Variants in RGS12 observed in about 807,000 individuals in gnomAD.
RGS12 encodes the protein regulator of G protein signaling 12.
In RGS12, 66 loss-of-function variants were observed where a neutral mutation model predicts 120.1. That is an observed-to-expected ratio of 0.55 (90% CI 0.45 to 0.67). RGS12 has a LOEUF of 0.67. Ranked by LOEUF, RGS12 falls within the 30% of genes least tolerant of loss-of-function variation. RGS12 has a pLI of 0.00. For synonymous variants in RGS12, 827 were observed against 804.7 expected, an observed-to-expected ratio of 1.03 and a Z score of -0.47; for missense variants, 1,859 against 1,957.7, an observed-to-expected ratio of 0.95 and a Z score of 0.95.
At chr4:3,394,879 A>G (rs532828038) in intron 4 of RGS12, among the ~76,000 whole-genome samples, 2 of 152,258 alleles carry the variant, frequency 1.3e-5, no homozygotes, top group South Asian at 2.1e-4. Context: ...TAAAAAAAAA[A>G]GAAGACTGAC....
In RGS12 at chr4:3,423,602, C is replaced by T; in HGVS notation, c.3195C>T (p.Ala1065=). The T allele has an allele frequency of 6.2e-7, 1 of 1,611,804 alleles. No individual in the cohort carries two copies. The highest frequency in any genetic ancestry group is 1.7e-5 in the Admixed American group (1 of 60,024). The change falls in exon 13 of 18, where the codon GCC becomes GCT. Residue 1065 remains alanine, a synonymous_variant. Transcript: ENST00000336727. ...PVTEVLRPVV[A]RYGLDLSGLL... ...CGGAGGTGCTGCGGCCCGTGGTGGC[C>T]AGATACGGCCTGGACCTCAGTGGCC...
At chr4:3,418,640 G>T (rs1253211101) in intron 9 of RGS12, 1 of 152,384 alleles carries the variant, frequency 6.6e-6, no homozygotes, top group Non-Finnish European at 1.5e-5. Context: ...GGCGCTGAAG[G>T]ACGCGCTGGT....
chr4:3,415,219 G>A (rs1041243247), intron 6 of RGS12, among the ~76,000 whole-genome samples: 27 of 152,180 alleles, frequency 1.8e-4, no homozygotes, highest in Admixed American at 1.2e-3. Context: ...TGAGAGGGCC[G>A]CGTGGCCTCA....
At chr4:3,331,021 G>A (rs1329599466) in intron 2 of RGS12, among the ~76,000 whole-genome samples, 1 of 152,230 alleles carries the variant, frequency 6.6e-6, no homozygotes, top group Admixed American at 6.5e-5. Context: ...GTCTAGCTAA[G>A]ATTTCTATTC....
At chr4:3,293,314 G>A (rs1723154262) in intron 1 of RGS12, among the ~76,000 whole-genome samples, 1 of 144,466 alleles carries the variant, frequency 6.9e-6, no homozygotes, top group Admixed American at 6.8e-5. Flanking sequence ...GCGGGGCGGG[G>A]CGGGGCGGGG....
intron 17 of RGS12, among the ~76,000 whole-genome samples, chr4:3,437,839 AC>A (rs1397657255): frequency 6.6e-6 from 1 of 152,122 alleles, no homozygotes; most frequent in Non-Finnish European, 1.5e-5. Context: ...GTTCAAGAGA[AC>A]GGGCTGGGCA....
chr4:3,439,527 C>T lies in RGS12; in HGVS notation c.4187C>T (p.Ala1396Val), dbSNP rs201489341. 55 of 1,612,716 alleles carry T rather than the reference C, an allele frequency of 3.4e-5. No individual in the cohort carries two copies. In the East Asian group the frequency reaches 4.0e-4, roughly 12 times the overall value. The change falls in exon 18 of 18, where the codon GCG becomes GTG. Residue 1396 changes from alanine to valine, a missense_variant. Physicochemically the swap from Ala to Val is moderately conservative, Grantham distance 64 (BLOSUM62 0). Coordinates refer to ENST00000336727, the MANE Select transcript of RGS12 (RefSeq NM_001394154.1). ...GATGTGGATCTTGTAACTGGCTCGG[C>T]GCCCGGGCGGGATGGTGGCATAGCG... ...IIDVDLVTGS[A>V]PGRDGGIAGA...
intron 2 of RGS12, among the ~76,000 whole-genome samples, chr4:3,337,613 C>T (rs188161307): frequency 2.6e-5 from 4 of 152,238 alleles, no homozygotes; most frequent in Admixed American, 2.6e-4. Context: ...GAAGGACACA[C>T]ACTATCTAAT....
At chr4:3,305,985 T>A (rs1440899472) in intron 1 of RGS12, among the ~76,000 whole-genome samples, 2 of 152,242 alleles carry the variant, frequency 1.3e-5, no homozygotes, top group Admixed American at 1.3e-4. Flanking sequence ...TAGTTCTAAC[T>A]TTATGGGCCT....
At chr4:3,418,301 T>G (rs982288611) in intron 9 of RGS12, 1 of 152,280 alleles carries the variant, frequency 6.6e-6, no homozygotes, top group Admixed American at 6.5e-5. Flanking sequence ...TGCTGAACGC[T>G]GGCGAAGATG....
intron 3 of RGS12, among the ~76,000 whole-genome samples, chr4:3,369,349 G>T (rs1158711627): frequency 6.6e-6 from 1 of 152,212 alleles, no homozygotes; most frequent in Admixed American, 6.5e-5. Flanking sequence ...CTCGTGCGGG[G>T]AATGCTCATG....
intron 3 of RGS12, chr4:3,370,303 T>C: frequency 6.2e-7 from 1 of 1,614,168 alleles, no homozygotes; most frequent in Non-Finnish European, 8.5e-7. Context: ...ACGAAACCCA[T>C]GTTTCTAATG....
intron 1 of RGS12, among the ~76,000 whole-genome samples, chr4:3,309,994 C>T (rs1374364095): frequency 1.1e-4 from 15 of 138,356 alleles, no homozygotes; most frequent in Non-Finnish European, 1.6e-4. Context: ...GGCAGGTGTC[C>T]GCTGAGGGGA....
At chr4:3,425,388 G>A in intron 13 of RGS12, 76 bp from the exon 14 acceptor site, 1 of 1,302,770 alleles carries the variant, frequency 7.7e-7, no homozygotes, top group South Asian at 1.2e-5. Context: ...CAGTCATGCA[G>A]TCGGGTGGGA....
chr4:3,319,394 T>C (rs548710900), intron 2 of RGS12, among the ~76,000 whole-genome samples: 1 of 152,378 alleles, frequency 6.6e-6, no homozygotes, highest in Admixed American at 6.5e-5. Flanking sequence ...ATAGAATTTT[T>C]TTTTTTAAAA....
Position 3,439,685 on chromosome 4 carries a change from G to T in RGS12, c.*1G>T. 1 of 1,513,776 alleles carries T rather than the reference G, an allele frequency of 6.6e-7. No homozygotes were observed. Among genetic ancestry groups the T allele is most frequent in the Non-Finnish European group, 8.9e-7 (1 of 1,129,454 alleles). The allele number at this position is 1,513,776 out of a possible 1,614,324, so 93.8% of individuals were successfully genotyped here. On this transcript the variant is annotated 3_prime_UTR_variant, in exon 18 of 18. Coordinates refer to ENST00000336727, the MANE Select transcript of RGS12 (RefSeq NM_001394154.1). ...CGCTCACCACGCCACCTTCGTCTGA[G>T]CTGCCCTGGCCTGGCCAACTCTCCT...
rs1335480398 is a variant in RGS12 at position 3,366,674 on chromosome 4, G to A, written c.1999-19742G>A. On this transcript the variant is annotated intron_variant, in intron 3 of 17. Coordinates refer to ENST00000336727, the MANE Select transcript of RGS12 (RefSeq NM_001394154.1). The surrounding 1 kb of genome is among the most constrained non-coding windows in gnomAD (Gnocchi z 4.0). ...CTGTTCCCTCCAGGTCGAGCTGTGC[G>A]CCAGGCATGGCCGGAAAGCTCAGGA... is the stretch of plus-strand genomic sequence containing the variant. 2.0e-5 allele frequency among the ~76,000 whole-genome samples: 3 copies of A among 152,318 alleles called. No homozygotes were observed. Among genetic ancestry groups the A allele is most frequent in the East Asian group, 1.9e-4 (1 of 5,178 alleles).
At chr4:3,347,259 G>A (rs1217401913) in intron 3 of RGS12, among the ~76,000 whole-genome samples, 6 of 152,022 alleles carry the variant, frequency 3.9e-5, no homozygotes, top group South Asian at 2.1e-4. Flanking sequence ...CCTGGCTAAC[G>A]TGGTGAGACC....
At chr4:3,432,394 C>A in intron 17 of RGS12, 1 of 177,848 alleles carries the variant, frequency 5.6e-6, no homozygotes, top group Non-Finnish European at 1.1e-5. Context: ...AGCAGAAGAG[C>A]TGGTGGCCCG....
Sources: gnomAD v4.1 joint callset for allele counts (sites outside exome capture counted in the v4.1 genomes callset) on GRCh38, gnomAD v4.1.1 for gene constraint, Gnocchi (gnomAD v3.1) non-coding constraint, MANE v1.5 for transcripts, NCBI Gene and HGNC (gene_info 2026-07-23, HGNC 2026-07-21) for gene names.